The following HEATR1 variants were observed in gnomAD, a reference collection of about 807,000 sequenced individuals.
HEATR1 encodes HEAT repeat-containing protein 1.
In HEATR1, 77 loss-of-function variants were observed where a neutral mutation model predicts 248.2. The observed-to-expected ratio is 0.31, with a 90% CI of 0.26 to 0.37. HEATR1 has a LOEUF of 0.37. HEATR1 is among the 10% of genes least tolerant of loss of function. HEATR1 has a pLI of 1.00. For missense variants in HEATR1, 2,420 were observed against 2,504.9 expected (o/e 0.97, Z 0.72); for synonymous variants, 897 against 923.1 (o/e 0.97, Z 0.51).
chr1:236,555,478 A>G lies in HEATR1; in HGVS notation c.5755-14T>C. On this transcript the variant is annotated splice_polypyrimidine_tract_variant and intron_variant, in intron 40 of 44. Transcript: ENST00000366582. ...CCAATCAAACAGCTGAAAGGATAAG[A>G]CAGTATTAGTTTCTTCGACATCTTG... The G allele has an allele frequency of 2.5e-6, 4 of 1,614,176 alleles. No individual in the cohort carries two copies. Among genetic ancestry groups the G allele is most frequent in the Non-Finnish European group, 3.4e-6 (4 of 1,180,020 alleles).
chr1:236,574,382 T>C (rs764436466), intron 23 of HEATR1, 49 bp from the exon 24 acceptor site: 2 of 1,555,174 alleles, frequency 1.3e-6, no homozygotes, highest in Admixed American at 4.4e-5. Context: ...CAAGTTTAAA[T>C]TCCAGAAATA....
intron 20 of HEATR1, among the ~76,000 whole-genome samples, chr1:236,577,661 T>C (rs1165938884): frequency 2.6e-5 from 4 of 151,930 alleles, no homozygotes; most frequent in African/African-American, 9.7e-5. Flanking sequence ...GCTAATTTTG[T>C]ATTTTTAGTA....
chr1:236,582,953 G>C (rs1324465809), intron 18 of HEATR1, 60 bp downstream of exon 18: 34 of 1,603,008 alleles, frequency 2.1e-5, no homozygotes, highest in Non-Finnish European at 2.6e-5. Context: ...AGTCATTGTG[G>C]AGTCAATCAT....
chr1:236,582,457 C>T (rs1039906776), intron 19 of HEATR1, among the ~76,000 whole-genome samples: 12 of 151,122 alleles, frequency 7.9e-5, no homozygotes, highest in East Asian at 2.0e-4. Context: ...GGCTGGAGTA[C>T]GGTGGTGTGA....
In HEATR1 at chr1:236,572,476, C is replaced by T. The variant is rs1663454357; in HGVS notation, c.3642G>A (p.Leu1214=). The T allele has an allele frequency of 6.2e-7, 1 of 1,614,034 alleles. No homozygotes were observed. The highest frequency in any genetic ancestry group is 8.5e-7 in the Non-Finnish European group (1 of 1,179,942). The change falls in exon 26 of 45, where the codon CTG becomes CTA. Residue 1214 remains leucine (L), a synonymous_variant. Coordinates refer to ENST00000366582, the MANE Select transcript of HEATR1 (RefSeq NM_018072.6). Reference sequence around the variant, plus strand: ...GACTTCTGAGCTTCTTTTTGTGCTGCAGTAATTCCAGGATGAGAGTTACTC... The same window carrying T: ...GACTTCTGAGCTTCTTTTTGTGCTGTAGTAATTCCAGGATGAGAGTTACTC... ...WQRVTLILEL[L]QHKKKLRSPQ...
At position 236,550,765 on chromosome 1, in the gene HEATR1, G is replaced by A. The variant is rs981054542; in HGVS notation, c.*137C>T. 4.8e-5 allele frequency: 31 copies of A among 644,512 alleles called. No homozygotes were observed. Among genetic ancestry groups the A allele is most frequent in the Non-Finnish European group, 7.6e-5 (29 of 381,018 alleles). The allele number at this position is 644,512 out of a possible 1,614,324, so 39.9% of individuals were successfully genotyped here. A position where few individuals can be genotyped will look rare whatever the true frequency, so the allele number is the denominator to read the frequency against. On this transcript the variant is annotated 3_prime_UTR_variant, in exon 45 of 45. Coordinates refer to ENST00000366582, the MANE Select transcript of HEATR1 (RefSeq NM_018072.6). ...ACAAGCCAGGTGGGGATTTTGTAAA[G>A]AAGTGATAAAACATTTGTAAGTAAT...
In HEATR1 at chr1:236,576,227, T is replaced by G; in HGVS notation, c.3076A>C (p.Asn1026His). The G allele has an allele frequency of 6.3e-7, 1 of 1,598,588 alleles. No individual in the cohort carries two copies. The highest frequency in any genetic ancestry group is 8.5e-7 in the Non-Finnish European group (1 of 1,175,516). The change falls in exon 22 of 45, where the codon AAC becomes CAC. Residue 1026 changes from asparagine (N) to histidine (H), a missense_variant. By Grantham distance (68) the Asn-to-His change is moderately conservative (BLOSUM62 1). Transcript: ENST00000366582. The stretch of plus-strand genomic sequence containing the variant: ...ACTTAAATGGCACATACCTCACCGT[T>G]GACTCCCTGAAGTACTTTCATCAAA... ...KDLMKVLQGV[N>H]GEMVLSQLLP...
At position 236,603,148 on chromosome 1, in the gene HEATR1, TCTATTAG is replaced by T; in HGVS notation, c.359+5_359+11del. 6.3e-7 allele frequency: 1 copy of T among 1,595,396 alleles called. No homozygotes were observed. ...ATTAACCCATAGTTATTTCTGTAAT[TCTATTAG>T]CTACCTGTGAATCAACCACTCCAGA... On this transcript the variant is annotated splice_donor_5th_base_variant and intron_variant, in intron 3 of 44. Coordinates refer to ENST00000366582, the MANE Select transcript of HEATR1 (RefSeq NM_018072.6).
At chr1:236,568,889 A>AAG in intron 29 of HEATR1, 107 bp downstream of exon 29, 1 of 608,882 alleles carries the variant, frequency 1.6e-6, no homozygotes, top group Non-Finnish European at 2.3e-6. Flanking sequence ...GGATATTAAA[A>AAG]AAAAAAAACA....
chr1:236,596,426 G>A (rs1393579320), intron 6 of HEATR1, among the ~76,000 whole-genome samples: 1 of 152,222 alleles, frequency 6.6e-6, no homozygotes. Flanking sequence ...AGTGAAAGCA[G>A]TACCTCCACA....
intron 39 of HEATR1, 58 bp from the exon 40 acceptor site, chr1:236,555,713 G>T (rs774442472): frequency 4.0e-5 from 64 of 1,604,030 alleles, no homozygotes; most frequent in Non-Finnish European, 5.2e-5. Flanking sequence ...AATTATTTTG[G>T]CAAGTACCAC....
In HEATR1 at chr1:236,549,656, G is replaced by A. The variant is rs1298644768; in HGVS notation, c.*1246C>T. 3 of 152,116 alleles carry A rather than the reference G, an allele frequency of 2.0e-5. No individual in the cohort carries two copies. Among genetic ancestry groups the A allele is most frequent in the South Asian group, 2.1e-4 (1 of 4,830 alleles). The allele number at this position is 152,116 out of a possible 1,614,324, so 9.4% of individuals were successfully genotyped here. A position where few individuals can be genotyped will look rare whatever the true frequency, so the allele number is the denominator to read the frequency against. ...GGGGGTGGAGGGTGCCACAGGGAAA[G>A]CTGTAGAAGGCAAGAAGACTCGAGA... is the stretch of plus-strand genomic sequence containing the variant. On this transcript the variant is annotated 3_prime_UTR_variant, in exon 45 of 45. Transcript: ENST00000366582.
At chr1:236,596,730 G>T in intron 6 of HEATR1, 106 bp downstream of exon 6, 1 of 1,118,820 alleles carries the variant, frequency 8.9e-7, no homozygotes. Context: ...GCTATCATCT[G>T]AAATAAACTG....
In HEATR1 at chr1:236,572,682, T is replaced by C. The variant is rs776052334; in HGVS notation, c.3563+43A>G. The C allele has an allele frequency of 2.5e-6, 4 of 1,599,350 alleles. No homozygotes were observed. The African/African-American group carries it at 5.4e-5, about 21-fold the overall frequency. On this transcript the variant is annotated intron_variant, in intron 25 of 44. Coordinates refer to ENST00000366582, the MANE Select transcript of HEATR1 (RefSeq NM_018072.6). ...TCCAATGGTTTCATAACATTCAGAGTCAGGGAACAACAGCATGTGCTCAAT... is the reference window on the plus strand; with the variant it reads ...TCCAATGGTTTCATAACATTCAGAGCCAGGGAACAACAGCATGTGCTCAAT...
At chr1:236,589,675 G>A (rs1663981294) in intron 12 of HEATR1, among the ~76,000 whole-genome samples, 2 of 152,058 alleles carry the variant, frequency 1.3e-5, no homozygotes, top group Admixed American at 6.5e-5. Context: ...TCTAGAGTTC[G>A]GCACGTTTAC....
At chr1:236,570,592 T>C (rs538092387) in intron 28 of HEATR1, among the ~76,000 whole-genome samples, 36 of 152,242 alleles carry the variant, frequency 2.4e-4, no homozygotes, top group African/African-American at 8.7e-4. Flanking sequence ...TTACAGAAAC[T>C]TCGTGAATAT....
In HEATR1 at chr1:236,594,042, A is replaced by G. The variant is rs1321246913; in HGVS notation, c.1163T>C (p.Leu388Pro). Reference protein sequence around the residue: ...HLEAILTKISLKNNLDHLLAS... With the variant: ...HLEAILTKISPKNNLDHLLAS... ...CAACAAATGGTCTAAGTTGTTCTTC[A>G]GTGATATTTTTGTAAGTATAGCTTC... is the stretch of plus-strand genomic sequence containing the variant. The change falls in exon 9 of 45, where the codon CTG becomes CCG. Residue 388 changes from leucine to proline, a missense_variant. Coordinates refer to ENST00000366582, the MANE Select transcript of HEATR1 (RefSeq NM_018072.6). 2 of 1,599,236 alleles carry G rather than the reference A, an allele frequency of 1.3e-6. No individual in the cohort carries two copies. Among genetic ancestry groups the G allele is most frequent in the Non-Finnish European group, 1.7e-6 (2 of 1,174,912 alleles).
Position 236,571,424 on chromosome 1 carries a change from A to C in HEATR1, c.3875T>G (p.Ile1292Ser). The part of the protein sequence containing the change: ...KFNVELIVQC[I>S]RLSEMPQTHH... ...GGTCTGCGGCATCTCCGAAAGGCGGATGCACTGAACTATCAACTCCACGTT... is the reference window on the plus strand; with the variant it reads ...GGTCTGCGGCATCTCCGAAAGGCGGCTGCACTGAACTATCAACTCCACGTT... Residue 1292 changes from isoleucine to serine, a missense_variant, in exon 28 of 45, where the codon ATC becomes AGC. Transcript: ENST00000366582. The C allele has an allele frequency of 6.2e-7, 1 of 1,613,512 alleles. No individual in the cohort carries two copies.
At chr1:236,594,316 T>C (rs1011863575) in intron 8 of HEATR1, among the ~76,000 whole-genome samples, 1 of 152,226 alleles carries the variant, frequency 6.6e-6, no homozygotes, top group Non-Finnish European at 1.5e-5. Context: ...ACCTTCATTT[T>C]TCTTTTATCT....
Sources: gnomAD v4.1 joint callset for allele counts (sites outside exome capture counted in the v4.1 genomes callset) on GRCh38, gnomAD v4.1.1 for gene constraint, MANE v1.5 for transcripts, NCBI Gene and HGNC (gene_info 2026-07-23, HGNC 2026-07-21) for gene names.